The following ASMT variants were observed in gnomAD, a reference collection of about 807,000 sequenced individuals.
ASMT encodes acetylserotonin O-methyltransferase, also known as acetylserotonin N-methyltransferase.
ASMT carries 53 observed loss-of-function variants against 41.3 expected under a neutral mutation model. The observed-to-expected ratio is 1.28, with a 90% CI of 1.03 to 1.61. The LOEUF (loss-of-function observed/expected upper bound fraction) is 1.61, where lower values mean the gene tolerates loss of function less well. Among genes scored for constraint, ASMT ranks in the 40% most tolerant of loss-of-function variants. The pLI is 0.00. For synonymous variants in ASMT, 231 were observed against 184.8 expected (o/e 1.25, Z -2.03); for missense variants, 531 against 441.3 (o/e 1.20, Z -1.82).
At chrX:1,627,880 T>A (rs1311083654) in intron 4 of ASMT, 109 bp downstream of exon 4, 2 of 1,058,876 alleles carry the variant, frequency 1.9e-6, no homozygotes, top group South Asian at 2.6e-5. Flanking sequence ...AGGAGGAAGC[T>A]GCCATTTAAT....
intron 7 of ASMT, among the ~76,000 whole-genome samples, chrX:1,634,688 G>A (rs1413364578): frequency 3.3e-4 from 48 of 146,038 alleles, no homozygotes; most frequent in Non-Finnish European, 5.8e-4. Context: ...TTTTTGAGAC[G>A]GAGTCTCACT....
chrX:1,635,876 A>G (rs1934939494), intron 7 of ASMT, among the ~76,000 whole-genome samples: 1 of 151,854 alleles, frequency 6.6e-6, no homozygotes, highest in Non-Finnish European at 1.5e-5. Flanking sequence ...CAAACAAACA[A>G]ACAAAAAAAC....
In ASMT at chrX:1,616,668, G is replaced by A. The variant is rs1410054365; in HGVS notation, c.69+1400G>A. On this transcript the variant is annotated intron_variant, in intron 1 of 8. Transcript: ENST00000381241. The stretch of plus-strand genomic sequence containing the variant: ...GGGAATCGCTTTAGCCCAGGAATTC[G>A]AGACCAGTCTGGGCAACATAGTGAG... Among the ~76,000 whole-genome samples the A allele has an allele frequency of 8.6e-5, 13 of 151,444 alleles. 1 individual carries two copies. The highest frequency in any genetic ancestry group is 1.3e-4 in the Non-Finnish European group (9 of 67,634).
At chrX:1,635,389 C>T (rs1441438957) in intron 7 of ASMT, among the ~76,000 whole-genome samples, 1 of 152,094 alleles carries the variant, frequency 6.6e-6, no homozygotes, top group Non-Finnish European at 1.5e-5. Flanking sequence ...TCACATCGCA[C>T]ACACATAAAG....
chrX:1,634,958 G>C (rs1203289001), intron 7 of ASMT, among the ~76,000 whole-genome samples: 1 of 147,674 alleles, frequency 6.8e-6, no homozygotes, highest in Non-Finnish European at 1.5e-5. Flanking sequence ...GAGCCACCGC[G>C]CCTGGCCTGA....
chrX:1,620,927 C>CA (rs111600493), intron 1 of ASMT, among the ~76,000 whole-genome samples: 36,526 of 147,086 alleles, frequency 0.25, 5,187 homozygotes, highest in African/African-American at 0.43. Context: ...ATAAAGATAC[C>CA]AAAAAAAAAA....
chrX:1,623,378 G>A lies in ASMT; in HGVS notation c.244+65G>A, dbSNP rs28515673. The A allele has an allele frequency of 8.5e-3, 13,540 of 1,590,996 alleles. 908 individuals carry two copies. In the African/African-American group the frequency reaches 0.16, roughly 18 times the overall value. ...ACACCCTCTGCAGCCCACGTGTTCT[G>A]TAAAAAGTGAAACAGTCTCCATCCT... On this transcript the variant is annotated intron_variant, in intron 2 of 8. Transcript: ENST00000381241.
At chrX:1,636,928 ACAGTGTC>A (rs1934994639) in intron 8 of ASMT, among the ~76,000 whole-genome samples, 5 of 96,130 alleles carry the variant, frequency 5.2e-5, no homozygotes, top group African/African-American at 1.6e-4. Context: ...TGTGATGGGG[ACAGTGTC>A]CCAGCTCTCC....
chrX:1,617,813 C>T (rs6644636), intron 1 of ASMT, among the ~76,000 whole-genome samples: 13,247 of 151,490 alleles, frequency 0.087, 727 homozygotes, highest in East Asian at 0.31. Flanking sequence ...TGGGGTTTCT[C>T]TATGTTGGTC....
At chrX:1,627,623 C>T (rs780685768) in intron 3 of ASMT, 80 bp from the exon 4 acceptor site, 15 of 1,126,770 alleles carry the variant, frequency 1.3e-5, no homozygotes, top group East Asian at 6.0e-5. Context: ...TGAAATGAAA[C>T]GAAATGAAAC....
At position 1,633,190 on chromosome X, in the gene ASMT, C is replaced by A. The variant is rs143524297; in HGVS notation, c.687C>A (p.Tyr229Ter). 72 of 1,613,682 alleles carry A rather than the reference C, an allele frequency of 4.5e-5. No individual in the cohort carries two copies. The African/African-American group carries it at 8.0e-4, about 18-fold the overall frequency. ...GALAKECMSL[Y>*]PGCKITVFDI... is the part of the protein sequence containing the mutation. ...TGGCTAAGGAATGCATGTCTCTGTACCCTGGATGTAAGATCACCGTTTTTG... is the reference window on the plus strand; with the variant it reads ...TGGCTAAGGAATGCATGTCTCTGTAACCTGGATGTAAGATCACCGTTTTTG... The change falls in exon 7 of 9, where the codon TAC (tyrosine) becomes TAA (stop). Residue 229 changes from tyrosine to a stop codon, truncating the protein, a stop_gained. Coordinates refer to ENST00000381241, the MANE Select transcript of ASMT (RefSeq NM_001171038.2). LOFTEE classifies it high-confidence loss of function.
intron 6 of ASMT, 134 bp downstream of exon 6, chrX:1,632,921 CGAT>C: frequency 1.6e-6 from 1 of 625,874 alleles, no homozygotes; most frequent in Non-Finnish European, 2.9e-6. Flanking sequence ...AATGACGAGT[CGAT>C]GGGTGCAGCA....
intron 1 of ASMT, among the ~76,000 whole-genome samples, chrX:1,616,930 G>T (rs753806888): frequency 2.0e-5 from 3 of 151,544 alleles, no homozygotes; most frequent in Non-Finnish European, 4.4e-5. Context: ...GGATGGTCTC[G>T]ATCTCCTGAC....
At chrX:1,633,318 G>C in intron 7 of ASMT, 28 bp downstream of exon 7, 1 of 1,613,874 alleles carries the variant, frequency 6.2e-7, no homozygotes, top group East Asian at 2.2e-5. Context: ...GGGAAGCAGA[G>C]ATGTGTCTCA....
chrX:1,621,524 G>T (rs1934337225), intron 1 of ASMT, among the ~76,000 whole-genome samples: 2 of 151,908 alleles, frequency 1.3e-5, no homozygotes, highest in South Asian at 4.1e-4. Context: ...CACCATGTTG[G>T]CCAGGTTAGC....
chrX:1,629,328 G>A (rs181127619), intron 4 of ASMT, among the ~76,000 whole-genome samples: 2,099 of 152,174 alleles, frequency 0.014, 31 homozygotes, highest in African/African-American at 0.039. Context: ...GAGCTGTGGG[G>A]GGGGAGGAGC....
Position 1,641,749 on chromosome X carries a change from G to A in ASMT, c.911-1054G>A, listed in dbSNP as rs780972959. Among the ~76,000 whole-genome samples, 10 of 149,384 alleles carry A rather than the reference G, an allele frequency of 6.7e-5. 1 individual carries two copies. Among genetic ancestry groups the A allele is most frequent in the Middle Eastern group, 6.8e-3 (2 of 294 alleles). On this transcript the variant is annotated intron_variant, in intron 8 of 8. Transcript: ENST00000381241. Reference sequence around the variant, plus strand: ...GTCCACCCATCCTGGTGGTCCATGAGTACATGGACACAGCCTCTCTGTGTG... The same window carrying A: ...GTCCACCCATCCTGGTGGTCCATGAATACATGGACACAGCCTCTCTGTGTG...
chrX:1,625,879 C>T (rs765608645), intron 3 of ASMT, among the ~76,000 whole-genome samples: 15 of 142,986 alleles, frequency 1.0e-4, no homozygotes, highest in South Asian at 7.0e-4. Context: ...GGTGTGAACC[C>T]GGGAGGCGGA....
Position 1,641,958 on chromosome X carries a change from A to G in ASMT, c.911-845A>G, listed in dbSNP as rs746041679. Among the ~76,000 whole-genome samples, 2 of 138,294 alleles carry G rather than the reference A, an allele frequency of 1.4e-5. 1 individual carries two copies. The highest frequency in any genetic ancestry group is 4.8e-4 in the East Asian group (2 of 4,174). The allele number at this position is 138,294 out of a possible 152,430, so 90.7% of individuals were successfully genotyped here. On this transcript the variant is annotated intron_variant, in intron 8 of 8. Coordinates refer to ENST00000381241, the MANE Select transcript of ASMT (RefSeq NM_001171038.2). Reference sequence around the variant, plus strand: ...TTGTGTGTGATGGGGACAGTGTCCCAGTGTCTGTGAGGTCCACCCATCCGA... The same window carrying G: ...TTGTGTGTGATGGGGACAGTGTCCCGGTGTCTGTGAGGTCCACCCATCCGA...
Sources: gnomAD v4.1 joint callset for allele counts (sites outside exome capture counted in the v4.1 genomes callset) on GRCh38, gnomAD v4.1.1 for gene constraint, MANE v1.5 for transcripts, NCBI Gene and HGNC (gene_info 2026-07-23, HGNC 2026-07-21) for gene names.